The following CPQ variants were observed in gnomAD, a reference collection of about 807,000 sequenced individuals.
The protein encoded by CPQ is carboxypeptidase Q.
Under a neutral mutation model 45.7 loss-of-function variants are expected in CPQ, and 37 were observed. The observed-to-expected ratio is 0.81, with a 90% CI of 0.62 to 1.07. The LOEUF (loss-of-function observed/expected upper bound fraction) is 1.07, where lower values mean the gene tolerates loss of function less well. Among genes scored for constraint, CPQ ranks in the 50% least tolerant of loss-of-function variants. CPQ has a pLI of 0.00. For missense variants in CPQ, 537 were observed against 572.9 expected (o/e 0.94, Z 0.64); for synonymous variants, 186 against 205.8 (o/e 0.90, Z 0.82).
chr8:96,799,671 G>A (rs1432410388), intron 2 of CPQ, among the ~76,000 whole-genome samples: 1 of 152,152 alleles, frequency 6.6e-6, no homozygotes, highest in African/African-American at 2.4e-5. Flanking sequence ...AATTTACATT[G>A]ATCAAGTGTT....
chr8:96,881,855 G>A (rs1037847810), intron 4 of CPQ, among the ~76,000 whole-genome samples: 8 of 152,230 alleles, frequency 5.3e-5, no homozygotes, highest in Non-Finnish European at 1.0e-4. Flanking sequence ...CTGAATGTAA[G>A]TTTCCTTTGT....
chr8:96,753,642 A>AC (rs1389717111), intron 1 of CPQ, among the ~76,000 whole-genome samples: 28 of 139,446 alleles, frequency 2.0e-4, no homozygotes, highest in Non-Finnish European at 3.0e-4. Context: ...TTGAATATGT[A>AC]TTTTATAATT....
At chr8:96,974,879 A>T (rs1813748459) in intron 5 of CPQ, among the ~76,000 whole-genome samples, 1 of 152,110 alleles carries the variant, frequency 6.6e-6, no homozygotes, top group South Asian at 2.1e-4. Context: ...CTAAGAGGAA[A>T]GTTCATAGCA....
intron 2 of CPQ, among the ~76,000 whole-genome samples, chr8:96,824,511 T>G (rs1318323366): frequency 6.6e-6 from 1 of 152,034 alleles, no homozygotes; most frequent in Non-Finnish European, 1.5e-5. Flanking sequence ...TTTAAATATT[T>G]GAAATCCTTA....
intron 6 of CPQ, among the ~76,000 whole-genome samples, chr8:97,051,711 T>A (rs1259572942): frequency 2.6e-5 from 4 of 152,196 alleles, no homozygotes; most frequent in Non-Finnish European, 5.9e-5. Flanking sequence ...CAACTATTAT[T>A]CCCATTTTAC....
At chr8:97,060,669 A>G (rs1306970021) in intron 6 of CPQ, among the ~76,000 whole-genome samples, 1 of 152,148 alleles carries the variant, frequency 6.6e-6, no homozygotes, top group East Asian at 1.9e-4. Flanking sequence ...TTCAGCCTCT[A>G]GAAGTTGGTT....
chr8:96,805,268 A>G (rs990325535), intron 2 of CPQ, among the ~76,000 whole-genome samples: 1 of 152,198 alleles, frequency 6.6e-6, no homozygotes, highest in African/African-American at 2.4e-5. Flanking sequence ...GTCTGTTTGC[A>G]TGCTCTGGTT....
At chr8:97,124,959 A>C (rs1811821107) in intron 7 of CPQ, among the ~76,000 whole-genome samples, 1 of 152,156 alleles carries the variant, frequency 6.6e-6, no homozygotes, top group South Asian at 2.1e-4. Flanking sequence ...AAAATCAATG[A>C]ATTTTAAAAC....
chr8:96,712,743 G>A (rs1217302371), intron 1 of CPQ, among the ~76,000 whole-genome samples: 2 of 152,162 alleles, frequency 1.3e-5, no homozygotes, highest in East Asian at 3.9e-4. Flanking sequence ...AGGCCTCTGG[G>A]CTTGTAATAG....
chr8:96,678,864 G>T (rs1586355564), intron 1 of CPQ, among the ~76,000 whole-genome samples: 1 of 150,576 alleles, frequency 6.6e-6, no homozygotes, highest in South Asian at 2.1e-4. Flanking sequence ...TCATACTGCA[G>T]GTTGTCTCTT....
At chr8:96,976,755 C>A (rs1268901500) in intron 5 of CPQ, among the ~76,000 whole-genome samples, 1 of 151,912 alleles carries the variant, frequency 6.6e-6, no homozygotes, top group African/African-American at 2.4e-5. Context: ...GGAGAAAAGA[C>A]GCCTATTCAA....
chr8:97,123,158 A>AAAAT (rs1167672408), intron 7 of CPQ, among the ~76,000 whole-genome samples: 14 of 120,588 alleles, frequency 1.2e-4, no homozygotes, highest in Admixed American at 7.1e-4. Context: ...TAAATAAAAT[A>AAAAT]AAATAAAATA....
intron 1 of CPQ, among the ~76,000 whole-genome samples, chr8:96,748,652 T>C (rs1586385495): frequency 6.6e-6 from 1 of 152,196 alleles, no homozygotes; most frequent in African/African-American, 2.4e-5. Context: ...TTGCTACCTC[T>C]TTCTGTTAGA....
At chr8:96,709,213 C>T (rs1809575021) in intron 1 of CPQ, among the ~76,000 whole-genome samples, 1 of 151,816 alleles carries the variant, frequency 6.6e-6, no homozygotes, top group Admixed American at 6.6e-5. Flanking sequence ...GACATTGTAC[C>T]CAATATGTGG....
At chr8:96,652,680 TG>T (rs1815590150) in intron 1 of CPQ, among the ~76,000 whole-genome samples, 1 of 152,238 alleles carries the variant, frequency 6.6e-6, no homozygotes, top group Non-Finnish European at 1.5e-5. Flanking sequence ...TCGCCCAAGC[TG>T]GAGTGCAGTG....
At chr8:97,066,421 C>A (rs1563570981) in intron 7 of CPQ, among the ~76,000 whole-genome samples, 1 of 152,150 alleles carries the variant, frequency 6.6e-6, no homozygotes, top group Non-Finnish European at 1.5e-5. Context: ...TCCACTCTTT[C>A]TAAATTATAA....
intron 5 of CPQ, among the ~76,000 whole-genome samples, chr8:97,000,696 T>C (rs1030857402): frequency 1.3e-5 from 2 of 152,124 alleles, no homozygotes; most frequent in African/African-American, 4.8e-5. Flanking sequence ...TTGTTCTTTT[T>C]GCTTAGGATT....
intron 1 of CPQ, among the ~76,000 whole-genome samples, chr8:96,713,769 T>C (rs887508820): frequency 2.0e-5 from 3 of 152,238 alleles, no homozygotes; most frequent in Admixed American, 2.0e-4. Flanking sequence ...AGGTCTATTA[T>C]GGAGCATATT....
chr8:97,007,809 A>G (rs1455301761), intron 5 of CPQ, among the ~76,000 whole-genome samples: 1 of 152,182 alleles, frequency 6.6e-6, no homozygotes, highest in South Asian at 2.1e-4. Flanking sequence ...TTATTTGGGA[A>G]CTTCAGGGGG....
Sources: allele counts gnomAD v4.1 joint callset (sites outside exome capture counted in the v4.1 genomes callset), GRCh38; gene constraint gnomAD v4.1.1; transcripts MANE v1.5; gene names NCBI Gene and HGNC (gene_info 2026-07-23, HGNC 2026-07-21).